Variants in MCTS1 observed in about 807,000 individuals in gnomAD.
The protein encoded by MCTS1 is malignant T-cell-amplified sequence 1.
For missense variants in MCTS1, 55 were observed against 128.6 expected (o/e 0.43, Z 2.77); for synonymous variants, 26 against 40.8 (o/e 0.64, Z 1.38).
At chrX:120,604,452 C>T (rs1244459359) in intron 1 of MCTS1, 1 of 533,555 alleles carries the variant, frequency 1.9e-6, no homozygotes, top group Non-Finnish European at 2.9e-6. Flanking sequence ...GGGTTTCAGT[C>T]CCTCCACTCC....
At position 120,620,951 on chromosome X, in the gene MCTS1, A is replaced by C. The variant is rs1211859371; in HGVS notation, c.*8687A>C. 9.0e-6 allele frequency: 1 copy of C among 111,728 alleles called. No individual in the cohort carries two copies. Among genetic ancestry groups the C allele is most frequent in the African/African-American group, 3.3e-5 (1 of 30,747 alleles). 9.2% of individuals were successfully genotyped at this position (111,728 alleles called of 1,213,427 possible). On this transcript the variant is annotated 3_prime_UTR_variant, in exon 6 of 6. Transcript: ENST00000371317. ...GGACTTGCTTAGACCTATGCTATCT[A>C]ATATGGTAGCCTCTGCCCATCCATA...
rs773154206 is a variant in MCTS1, at chrX:120,612,660, C to T, written c.*396C>T. The stretch of plus-strand genomic sequence containing the variant: ...CAGGGGACCCAGCAGTGCTCATTCT[C>T]GTGTGTGTGTGTGTGTGTGTGTGTG... On this transcript the variant is annotated 3_prime_UTR_variant, in exon 6 of 6. Transcript: ENST00000371317. Among the ~76,000 whole-genome samples the T allele has an allele frequency of 1.2e-3, 117 of 97,410 alleles. 1 individual carries two copies. Among genetic ancestry groups the T allele is most frequent in the African/African-American group, 4.3e-3 (110 of 25,711 alleles). 84.6% of individuals were successfully genotyped at this position (97,410 alleles called of 115,157 possible).
intron 1 of MCTS1, chrX:120,604,780 G>A (rs1167553671): frequency 8.9e-7 from 1 of 1,123,240 alleles, no homozygotes; most frequent in East Asian, 3.4e-5. Flanking sequence ...GTGTAAGGAA[G>A]ACAAAAATTC....
intron 3 of MCTS1, among the ~76,000 whole-genome samples, chrX:120,606,807 A>T (rs1040943970): frequency 9.1e-6 from 1 of 109,596 alleles, no homozygotes; most frequent in African/African-American, 3.3e-5. Flanking sequence ...AAAAAAAAAA[A>T]GACAAATATT....
intron 1 of MCTS1, chrX:120,604,507 C>T: frequency 1.8e-6 from 1 of 560,705 alleles, no homozygotes; most frequent in Non-Finnish European, 2.7e-6. Flanking sequence ...GCCCCCTCCC[C>T]CAATTCTGTC....
chrX:120,606,728 G>T (rs1926543240), intron 3 of MCTS1, among the ~76,000 whole-genome samples: 1 of 103,513 alleles, frequency 9.7e-6, no homozygotes, highest in South Asian at 4.5e-4. Context: ...AGGTTGCAGT[G>T]AGCAGAGATC....
At position 120,613,702 on chromosome X, in the gene MCTS1, G is replaced by T. The variant is rs1926764572; in HGVS notation, c.*1438G>T. Among the ~76,000 whole-genome samples, 1 of 111,754 alleles carries T rather than the reference G, an allele frequency of 8.9e-6. No individual in the cohort carries two copies. The highest frequency in any genetic ancestry group is 3.3e-5 in the African/African-American group (1 of 30,699). On this transcript the variant is annotated 3_prime_UTR_variant, in exon 6 of 6. Coordinates refer to ENST00000371317, the MANE Select transcript of MCTS1 (RefSeq NM_014060.3). ...AAACAAATAAGATTGATCAGATTCA[G>T]GTTCAGTTTTTTTAGTGCCTTCTTT...
At chrX:120,607,183 G>A (rs1203578912) in intron 3 of MCTS1, among the ~76,000 whole-genome samples, 1 of 110,665 alleles carries the variant, frequency 9.0e-6, no homozygotes, top group Non-Finnish European at 1.9e-5. Flanking sequence ...TGTGGTGCCT[G>A]TATCCCCCAC....
chrX:120,619,107 T>C lies in MCTS1; in HGVS notation c.*6843T>C, dbSNP rs747459904. On this transcript the variant is annotated 3_prime_UTR_variant, in exon 6 of 6. Transcript: ENST00000371317. ...AGCTAATGTTCTTAAAAGTAACTTA[T>C]GAATTTCTTAAAAATAGTTTTTAAA... Among the ~76,000 whole-genome samples, 1 of 112,496 alleles carries C rather than the reference T, an allele frequency of 8.9e-6. No individual in the cohort carries two copies. The highest frequency in any genetic ancestry group is 3.6e-4 in the South Asian group (1 of 2,761).
At position 120,615,245 on chromosome X, in the gene MCTS1, C is replaced by A. The variant is rs1006938605; in HGVS notation, c.*2981C>A. Among the ~76,000 whole-genome samples, 4 of 112,266 alleles carry A rather than the reference C, an allele frequency of 3.6e-5. No homozygotes were observed. The highest frequency in any genetic ancestry group is 9.5e-5 in the Admixed American group (1 of 10,534). On this transcript the variant is annotated 3_prime_UTR_variant, in exon 6 of 6. Coordinates refer to ENST00000371317, the MANE Select transcript of MCTS1 (RefSeq NM_014060.3). ...AGAATAGGAATACAGGGATAGAGAG[C>A]CTGCTTCTCTCAGGCAGTGTGTCTT...
At chrX:120,604,719 C>A (rs1602606907) in intron 1 of MCTS1, 1 of 1,041,080 alleles carries the variant, frequency 9.6e-7, no homozygotes, top group East Asian at 3.7e-5. Flanking sequence ...TATTGCCTAG[C>A]TGCCAGATTA....
In MCTS1 at chrX:120,614,768, T is replaced by G. The variant is rs1372136313; in HGVS notation, c.*2504T>G. Among the ~76,000 whole-genome samples the G allele has an allele frequency of 1.8e-5, 2 of 112,158 alleles. No homozygotes were observed. The highest frequency in any genetic ancestry group is 3.8e-5 in the Non-Finnish European group (2 of 53,257). ...AGAATCAAACTTTGAACCTTTATTT[T>G]TGTTGCTAAGAGAATGTTTTTTGAC... On this transcript the variant is annotated 3_prime_UTR_variant, in exon 6 of 6. Transcript: ENST00000371317.
intron 2 of MCTS1, among the ~76,000 whole-genome samples, 153 bp downstream of exon 2, chrX:120,605,712 A>G (rs1229760775): frequency 8.9e-6 from 1 of 112,093 alleles, no homozygotes; most frequent in East Asian, 2.8e-4. Context: ...CAATATTTGT[A>G]TTTTCAAAGA....
chrX:120,610,567 T>C (rs746593452), intron 4 of MCTS1, among the ~76,000 whole-genome samples: 1 of 112,166 alleles, frequency 8.9e-6, no homozygotes, highest in South Asian at 3.7e-4. Context: ...GAGCCAAGAC[T>C]GCGCCATTGC....
intron 5 of MCTS1, among the ~76,000 whole-genome samples, chrX:120,611,674 C>T (rs1157772278): frequency 8.9e-6 from 1 of 112,112 alleles, no homozygotes; most frequent in Admixed American, 9.5e-5. Context: ...CCCACCTCGG[C>T]CTCCCAAAGT....
chrX:120,609,363 A>G (rs529730447), intron 4 of MCTS1, among the ~76,000 whole-genome samples: 49 of 110,704 alleles, frequency 4.4e-4, no homozygotes, highest in Middle Eastern at 4.6e-3. Flanking sequence ...TTGTATTTTT[A>G]GTAGAGACAG....
rs1288198817 is a variant in MCTS1 at position 120,613,265 on chromosome X, ACTC to A, written c.*1004_*1006del. ...TTATAGTTGGCCAGGCTGGTCTTGA[ACTC>A]CTGGCCTCAAGTGATCAGCCTCCCA... On this transcript the variant is annotated 3_prime_UTR_variant, in exon 6 of 6. Transcript: ENST00000371317. Among the ~76,000 whole-genome samples the A allele has an allele frequency of 6.4e-5, 7 of 109,284 alleles. No individual in the cohort carries two copies. The allele number at this position is 109,284 out of a possible 115,157, so 94.9% of individuals were successfully genotyped here. A position where few individuals can be genotyped will look rare whatever the true frequency, so the allele number is the denominator to read the frequency against.
At chrX:120,606,709 G>T (rs1364121998) in intron 3 of MCTS1, among the ~76,000 whole-genome samples, 1 of 106,997 alleles carries the variant, frequency 9.3e-6, no homozygotes, top group East Asian at 2.9e-4. Flanking sequence ...ACTTCAACCC[G>T]CGAGGCGGAG....
At position 120,614,597 on chromosome X, in the gene MCTS1, A is replaced by AG. The variant is rs1372198653; in HGVS notation, c.*2339dup. ...GGAACTCATTTGTAAGTCATCTCCC[A>AG]GGGGGGTTTCTTCAACAGATAGTTT... is the stretch of plus-strand genomic sequence containing the variant. On this transcript the variant is annotated 3_prime_UTR_variant, in exon 6 of 6. Transcript: ENST00000371317. Among the ~76,000 whole-genome samples, 1 of 112,010 alleles carries AG rather than the reference A, an allele frequency of 8.9e-6. No individual in the cohort carries two copies. Among genetic ancestry groups the AG allele is most frequent in the South Asian group, 3.7e-4 (1 of 2,682 alleles).
Sources: gnomAD v4.1 joint callset for allele counts (sites outside exome capture counted in the v4.1 genomes callset) on GRCh38, gnomAD v4.1.1 for gene constraint, MANE v1.5 for transcripts, NCBI Gene and HGNC (gene_info 2026-07-23, HGNC 2026-07-21) for gene names.